PAX7: variants seen among roughly 807,000 people sequenced by gnomAD.
The protein encoded by PAX7 is paired box 7, also known as paired box protein Pax-7.
A neutral mutation model predicts 50.7 loss-of-function variants in PAX7; 18 were observed. The observed-to-expected ratio is 0.36, with a 90% CI of 0.25 to 0.53. The LOEUF (loss-of-function observed/expected upper bound fraction) is 0.53. Among genes scored for constraint, PAX7 ranks in the 20% least tolerant of loss-of-function variants. PAX7 has a pLI of 0.93. For missense variants in PAX7, 644 were observed against 702.9 expected, an observed-to-expected ratio of 0.92 and a Z score of 0.95; for synonymous variants, 310 against 290.4, an observed-to-expected ratio of 1.07 and a Z score of -0.69.
intron 8 of PAX7, among the ~76,000 whole-genome samples, chr1:18,741,022 A>G (rs957968459): frequency 2.6e-5 from 4 of 152,222 alleles, no homozygotes; most frequent in African/African-American, 9.7e-5. Context: ...AGGTTGGTTA[A>G]TGGGTGCAAA....
chr1:18,654,275 C>T (rs2088478799), intron 4 of PAX7, among the ~76,000 whole-genome samples: 2 of 151,988 alleles, frequency 1.3e-5, no homozygotes, highest in Admixed American at 6.5e-5. Context: ...AAGAACACTT[C>T]GCTCAAGTGC....
chr1:18,725,306 C>A (rs1227784117), intron 7 of PAX7, among the ~76,000 whole-genome samples: 2 of 53,758 alleles, frequency 3.7e-5, no homozygotes, highest in East Asian at 5.2e-4. Flanking sequence ...GGAGACGCCC[C>A]CCCCCCGCCC....
intron 4 of PAX7, among the ~76,000 whole-genome samples, chr1:18,656,060 G>C (rs1203645136): frequency 1.3e-5 from 2 of 152,140 alleles, no homozygotes; most frequent in African/African-American, 4.8e-5. Flanking sequence ...TCTGCGATAT[G>C]GGTATTGTCA....
intron 4 of PAX7, among the ~76,000 whole-genome samples, chr1:18,667,309 T>A (rs890653482): frequency 3.3e-5 from 5 of 151,448 alleles, no homozygotes; most frequent in Non-Finnish European, 7.4e-5. Flanking sequence ...GGGGAGAAGT[T>A]TGTACAGTGG....
At chr1:18,710,758 T>A (rs1208715178) in intron 7 of PAX7, among the ~76,000 whole-genome samples, 1 of 152,120 alleles carries the variant, frequency 6.6e-6, no homozygotes, top group African/African-American at 2.4e-5. Flanking sequence ...TTTATTGCAA[T>A]TTTTTTATTA....
At chr1:18,637,342 G>T (rs2088178355) in intron 4 of PAX7, among the ~76,000 whole-genome samples, 1 of 152,054 alleles carries the variant, frequency 6.6e-6, no homozygotes, top group Non-Finnish European at 1.5e-5. Context: ...GGGGCGACAG[G>T]GAGAGAAACA....
At chr1:18,728,607 T>A (rs1451742108) in intron 7 of PAX7, among the ~76,000 whole-genome samples, 1 of 151,314 alleles carries the variant, frequency 6.6e-6, no homozygotes, top group African/African-American at 2.4e-5. Context: ...ACGCCTGTAG[T>A]CCCAGCACTT....
At chr1:18,684,806 G>C (rs1424401346) in intron 4 of PAX7, among the ~76,000 whole-genome samples, 3 of 152,220 alleles carry the variant, frequency 2.0e-5, no homozygotes, top group African/African-American at 7.2e-5. Flanking sequence ...TTGGGAGGCT[G>C]CGGGAGAGGG....
At chr1:18,690,041 C>T (rs796336646) in intron 4 of PAX7, among the ~76,000 whole-genome samples, 5 of 152,320 alleles carry the variant, frequency 3.3e-5, no homozygotes, top group African/African-American at 1.2e-4. Context: ...CTCAGCTTCT[C>T]CCATCTCTGA....
intron 4 of PAX7, among the ~76,000 whole-genome samples, chr1:18,664,888 G>A (rs2088646823): frequency 6.6e-6 from 1 of 152,224 alleles, no homozygotes; most frequent in Admixed American, 6.5e-5. Flanking sequence ...CAGGGAGCGT[G>A]CTTCTTGACA....
At chr1:18,736,748 G>A (rs1389949183) in intron 8 of PAX7, among the ~76,000 whole-genome samples, 2 of 152,174 alleles carry the variant, frequency 1.3e-5, no homozygotes, top group African/African-American at 4.8e-5. Flanking sequence ...CAAACCCAAA[G>A]TGTTCCAAAT....
chr1:18,654,377 G>A (rs1171626945), intron 4 of PAX7, among the ~76,000 whole-genome samples: 1 of 152,236 alleles, frequency 6.6e-6, no homozygotes, highest in Admixed American at 6.5e-5. Flanking sequence ...AATAATCACA[G>A]GTGGGAGAGC....
intron 7 of PAX7, among the ~76,000 whole-genome samples, chr1:18,733,418 C>A (rs763326550): frequency 1.3e-5 from 2 of 152,188 alleles, no homozygotes; most frequent in Non-Finnish European, 2.9e-5. Flanking sequence ...TTTCTCTCTC[C>A]TTCTTGCAAA....
intron 8 of PAX7, among the ~76,000 whole-genome samples, chr1:18,741,517 A>G (rs376870481): frequency 6.6e-6 from 1 of 152,188 alleles, no homozygotes; most frequent in East Asian, 1.9e-4. Context: ...TGGATGCCCT[A>G]AACAGCCTTA....
intron 4 of PAX7, among the ~76,000 whole-genome samples, chr1:18,638,467 G>T (rs1156824793): frequency 1.3e-5 from 2 of 152,230 alleles, no homozygotes; most frequent in African/African-American, 4.8e-5. Flanking sequence ...GGACACAGGT[G>T]CTAAGTCTAG....
intron 4 of PAX7, among the ~76,000 whole-genome samples, chr1:18,676,967 A>G (rs964425782): frequency 2.0e-5 from 3 of 152,142 alleles, no homozygotes; most frequent in Admixed American, 2.0e-4. Context: ...GAAGTCAGGG[A>G]CAAACTTCAG....
At chr1:18,668,693 G>A (rs1406719087) in intron 4 of PAX7, among the ~76,000 whole-genome samples, 2 of 152,178 alleles carry the variant, frequency 1.3e-5, no homozygotes, top group African/African-American at 4.8e-5. Context: ...AACAGAGTGA[G>A]ACTCTGTTTC....
At chr1:18,675,839 C>T (rs998930006) in intron 4 of PAX7, among the ~76,000 whole-genome samples, 6 of 152,114 alleles carry the variant, frequency 3.9e-5, no homozygotes, top group African/African-American at 1.2e-4. Context: ...GGTGGTGTCT[C>T]GGGGGCCAGG....
At chr1:18,725,305 C>A (rs1226854273) in intron 7 of PAX7, among the ~76,000 whole-genome samples, 6 of 34,874 alleles carry the variant, frequency 1.7e-4, no homozygotes, top group African/African-American at 2.4e-4. Context: ...TGGAGACGCC[C>A]CCCCCCCGCC....
Sources: allele counts gnomAD v4.1 joint callset (sites outside exome capture counted in the v4.1 genomes callset), GRCh38; gene constraint gnomAD v4.1.1; transcripts MANE v1.5; gene names NCBI Gene and HGNC (gene_info 2026-07-23, HGNC 2026-07-21).